Variants in LRGUK observed in about 807,000 individuals in gnomAD.
LRGUK encodes the protein leucine rich repeats and guanylate kinase domain containing, also known as leucine-rich repeat and guanylate kinase domain-containing protein.
Under a neutral mutation model 76.0 loss-of-function variants are expected in LRGUK, and 65 were observed. That is an observed-to-expected ratio of 0.85 (90% confidence interval 0.70 to 1.05). The LOEUF (loss-of-function observed/expected upper bound fraction) is 1.05. LRGUK is among the 50% of genes least tolerant of loss of function. The pLI, the probability that LRGUK is intolerant of heterozygous loss-of-function variation, is 0.00. For synonymous variants in LRGUK, 268 were observed against 265.6 expected, an observed-to-expected ratio of 1.01 and a Z score of -0.09; for missense variants, 758 against 732.8, an observed-to-expected ratio of 1.03 and a Z score of -0.40.
At chr7:134,259,745 T>C (rs1214372722) in intron 19 of LRGUK, among the ~76,000 whole-genome samples, 1 of 152,030 alleles carries the variant, frequency 6.6e-6, no homozygotes, top group Non-Finnish European at 1.5e-5. Flanking sequence ...AATTCCAAAT[T>C]CTCTTGGCCT....
chr7:134,172,873 C>T (rs1008183910), intron 7 of LRGUK, among the ~76,000 whole-genome samples: 17 of 151,840 alleles, frequency 1.1e-4, no homozygotes, highest in African/African-American at 3.9e-4. Flanking sequence ...CCCAGCTACT[C>T]GGGGGTCGGG....
chr7:134,244,917 C>T (rs1258529132), intron 16 of LRGUK, among the ~76,000 whole-genome samples: 1 of 151,832 alleles, frequency 6.6e-6, no homozygotes, highest in Non-Finnish European at 1.5e-5. Context: ...ATGGATGAAG[C>T]TAGAAACCAT....
intron 1 of LRGUK, among the ~76,000 whole-genome samples, chr7:134,127,918 AAC>A (rs1180137680): frequency 1.3e-5 from 2 of 152,002 alleles, no homozygotes; most frequent in African/African-American, 4.8e-5. Context: ...GAGTCGAGTT[AAC>A]ACAGCGTCAC....
At chr7:134,176,984 C>A in exon 9 of LRGUK, 1 of 1,587,808 alleles carries the variant, frequency 6.3e-7, no homozygotes, top group South Asian at 1.1e-5. Flanking sequence ...TAGGAAAAGT[C>A]TGAATATTGG....
chr7:134,163,126 T>C (rs1158519592), intron 6 of LRGUK, among the ~76,000 whole-genome samples: 1 of 152,228 alleles, frequency 6.6e-6, no homozygotes, highest in Non-Finnish European at 1.5e-5. Flanking sequence ...ACCTGCCTTT[T>C]TCTTTCTTAC....
chr7:134,222,360 C>G (rs1029455609), intron 16 of LRGUK, among the ~76,000 whole-genome samples: 1 of 152,206 alleles, frequency 6.6e-6, no homozygotes, highest in South Asian at 2.1e-4. Context: ...CACTTAGTCC[C>G]AACTTATTTC....
At chr7:134,131,713 G>T (rs937724939) in intron 1 of LRGUK, among the ~76,000 whole-genome samples, 32 of 152,332 alleles carry the variant, frequency 2.1e-4, no homozygotes, top group Middle Eastern at 6.8e-3. Context: ...TCAGTGAGAA[G>T]ATTCTAGCAA....
intron 1 of LRGUK, among the ~76,000 whole-genome samples, chr7:134,128,846 G>T (rs1247687467): frequency 6.6e-6 from 1 of 151,716 alleles, no homozygotes; most frequent in Non-Finnish European, 1.5e-5. Flanking sequence ...CACCGCACCC[G>T]GCCTAATTTG....
intron 5 of LRGUK, among the ~76,000 whole-genome samples, chr7:134,152,752 A>G (rs1798275786): frequency 6.6e-6 from 1 of 152,100 alleles, no homozygotes; most frequent in African/African-American, 2.4e-5. Flanking sequence ...AGTTTAGTAT[A>G]TGTGTACCTG....
At chr7:134,174,227 T>A (rs1050194447) in intron 7 of LRGUK, among the ~76,000 whole-genome samples, 1 of 152,034 alleles carries the variant, frequency 6.6e-6, no homozygotes, top group Non-Finnish European at 1.5e-5. Context: ...AACCAGGTCA[T>A]CCTTGGGTGC....
At chr7:134,210,426 C>T (rs529138523), downstream of LRGUK, among the ~76,000 whole-genome samples, 11 of 152,266 alleles carry the variant, frequency 7.2e-5, no homozygotes, top group South Asian at 2.1e-3. Flanking sequence ...ACCAACCTCC[C>T]CACAAATGAC....
At chr7:134,158,778 G>T (rs1003356595) in intron 6 of LRGUK, among the ~76,000 whole-genome samples, 7 of 152,228 alleles carry the variant, frequency 4.6e-5, no homozygotes, top group African/African-American at 1.7e-4. Context: ...CAGAAATTCA[G>T]CAGGATTCTA....
chr7:134,230,534 G>A (rs75193049), intron 16 of LRGUK, among the ~76,000 whole-genome samples: 1,551 of 152,236 alleles, frequency 0.01, 17 homozygotes, highest in Non-Finnish European at 0.016. Context: ...AAAGATATGT[G>A]CAAAAATGTT....
chr7:134,155,224 G>C (rs544373745), intron 5 of LRGUK, among the ~76,000 whole-genome samples: 13 of 152,300 alleles, frequency 8.5e-5, no homozygotes, highest in African/African-American at 3.1e-4. Flanking sequence ...ACCTGAGTGA[G>C]ATAGTTTAAT....
intron 1 of LRGUK, among the ~76,000 whole-genome samples, chr7:134,133,667 T>A (rs1797402879): frequency 6.6e-6 from 1 of 151,784 alleles, no homozygotes; most frequent in Non-Finnish European, 1.5e-5. Context: ...CCTGCCTCAA[T>A]GCAGCAGTTG....
intron 16 of LRGUK, among the ~76,000 whole-genome samples, chr7:134,240,833 C>T (rs1802131906): frequency 6.6e-6 from 1 of 152,146 alleles, no homozygotes; most frequent in Non-Finnish European, 1.5e-5. Flanking sequence ...AAGGGAAGCC[C>T]ATCAGAATAA....
chr7:134,231,468 C>T (rs1801888133), intron 16 of LRGUK, among the ~76,000 whole-genome samples: 1 of 150,472 alleles, frequency 6.6e-6, no homozygotes, highest in African/African-American at 2.4e-5. Context: ...TTCTTCCTTC[C>T]TTCTTTGTTT....
chr7:134,185,606 C>T (rs1454841669), intron 11 of LRGUK, among the ~76,000 whole-genome samples: 1 of 151,468 alleles, frequency 6.6e-6, no homozygotes, highest in Non-Finnish European at 1.5e-5. Context: ...AAACTGGTTT[C>T]CTCTTGTACT....
intron 9 of LRGUK, 76 bp from the exon 10 acceptor site, chr7:134,178,427 A>G: frequency 9.1e-7 from 1 of 1,094,110 alleles, no homozygotes; most frequent in East Asian, 2.5e-5. Flanking sequence ...ACATTTCATT[A>G]AGGAAAAATC....
Sources: gnomAD v4.1 joint callset for allele counts (sites outside exome capture counted in the v4.1 genomes callset) on GRCh38, gnomAD v4.1.1 for gene constraint, MANE v1.5 for transcripts, NCBI Gene and HGNC (gene_info 2026-07-23, HGNC 2026-07-21) for gene names.